The following FCHSD2 variants were observed in gnomAD, a reference collection of about 807,000 sequenced individuals.
The protein encoded by FCHSD2 is FCH and double SH3 domains 2, also known as F-BAR and double SH3 domains protein 2.
In FCHSD2, 38 loss-of-function variants were observed where a neutral mutation model predicts 108.1. That is an observed-to-expected ratio of 0.35 (90% CI 0.27 to 0.46). FCHSD2 has a LOEUF of 0.46. Among genes scored for constraint, FCHSD2 ranks in the 20% least tolerant of loss-of-function variants. The pLI is 1.00. For missense variants in FCHSD2, 751 were observed against 897.8 expected (o/e 0.84, Z 2.09); for synonymous variants, 279 against 314.7 (o/e 0.89, Z 1.20).
intron 2 of FCHSD2, among the ~76,000 whole-genome samples, chr11:73,127,494 C>T (rs1020506614): frequency 3.3e-5 from 5 of 152,182 alleles, no homozygotes; most frequent in Admixed American, 6.5e-5. Context: ...GCCAAGAACA[C>T]GAGCCAGACT....
intron 2 of FCHSD2, among the ~76,000 whole-genome samples, chr11:73,126,905 T>C (rs1860872536): frequency 6.6e-6 from 1 of 152,038 alleles, no homozygotes; most frequent in Admixed American, 6.6e-5. Flanking sequence ...GAGCATCGTG[T>C]TGCACACCTG....
intron 2 of FCHSD2, among the ~76,000 whole-genome samples, chr11:73,095,526 A>G (rs897307481): frequency 2.6e-5 from 4 of 152,204 alleles, no homozygotes; most frequent in African/African-American, 9.6e-5. Flanking sequence ...ATAACTGGAA[A>G]TATGATCTCC....
At chr11:72,903,753 GA>G (rs1294028250) in intron 9 of FCHSD2, among the ~76,000 whole-genome samples, 2 of 151,120 alleles carry the variant, frequency 1.3e-5, no homozygotes, top group Non-Finnish European at 3.0e-5. Flanking sequence ...ATGGGCAGAA[GA>G]AAAAAAAAGT....
chr11:73,098,823 AG>A (rs1439771445), intron 2 of FCHSD2, among the ~76,000 whole-genome samples: 1 of 152,218 alleles, frequency 6.6e-6, no homozygotes, highest in African/African-American at 2.4e-5. Flanking sequence ...AGGAAAACAC[AG>A]GGGCAATTCT....
chr11:73,118,662 A>G (rs934668010), intron 2 of FCHSD2, among the ~76,000 whole-genome samples: 8 of 152,164 alleles, frequency 5.3e-5, no homozygotes, highest in African/African-American at 9.7e-5. Flanking sequence ...TTATCTCTTC[A>G]TTACTGATTT....
chr11:73,057,799 G>C (rs542440304), intron 3 of FCHSD2, among the ~76,000 whole-genome samples: 216 of 152,156 alleles, frequency 1.4e-3, no homozygotes, highest in Non-Finnish European at 1.9e-3. Context: ...CAGCTATACA[G>C]GGAATGAGTT....
At chr11:73,136,051 T>G (rs1861113135) in intron 2 of FCHSD2, among the ~76,000 whole-genome samples, 1 of 151,824 alleles carries the variant, frequency 6.6e-6, no homozygotes, top group South Asian at 2.1e-4. Flanking sequence ...TCCTAGGTAC[T>G]TGGGAGGCTG....
chr11:72,955,067 T>C (rs1265866194), intron 8 of FCHSD2, among the ~76,000 whole-genome samples: 1 of 152,130 alleles, frequency 6.6e-6, no homozygotes, highest in African/African-American at 2.4e-5. Flanking sequence ...CATCCTCCAG[T>C]CCAATTCTGA....
chr11:73,095,668 ATAC>A (rs1476790179), intron 2 of FCHSD2, among the ~76,000 whole-genome samples: 1 of 152,244 alleles, frequency 6.6e-6, no homozygotes, highest in Non-Finnish European at 1.5e-5. Flanking sequence ...TTGTACAAGC[ATAC>A]TTCCTGAGGT....
At chr11:72,987,278 T>C (rs1857328894) in intron 6 of FCHSD2, among the ~76,000 whole-genome samples, 2 of 152,192 alleles carry the variant, frequency 1.3e-5, no homozygotes, top group South Asian at 4.1e-4. Context: ...CAAGATTCTA[T>C]CCAAACATCA....
At chr11:73,081,350 C>G (rs1186704297) in intron 3 of FCHSD2, among the ~76,000 whole-genome samples, 1 of 152,042 alleles carries the variant, frequency 6.6e-6, no homozygotes, top group African/African-American at 2.4e-5. Flanking sequence ...AGGAGAATTG[C>G]TTGAACTTGG....
intron 3 of FCHSD2, among the ~76,000 whole-genome samples, chr11:73,019,797 CTAT>C (rs1858057997): frequency 6.6e-6 from 1 of 152,072 alleles, no homozygotes; most frequent in African/African-American, 2.4e-5. Flanking sequence ...CTGGTTTCCT[CTAT>C]ACTTTATATT....
chr11:72,946,747 ACT>A (rs1856528422), intron 8 of FCHSD2, among the ~76,000 whole-genome samples: 1 of 152,198 alleles, frequency 6.6e-6, no homozygotes, highest in African/African-American at 2.4e-5. Context: ...TTGTGCAGTA[ACT>A]CTACTTTTTA....
chr11:72,971,104 C>T (rs765081730), intron 8 of FCHSD2, among the ~76,000 whole-genome samples: 3 of 152,126 alleles, frequency 2.0e-5, no homozygotes, highest in East Asian at 3.8e-4. Flanking sequence ...AAACTAAATG[C>T]TGTTGTTTTA....
intron 14 of FCHSD2, among the ~76,000 whole-genome samples, chr11:72,845,380 G>A (rs1307921039): frequency 6.9e-6 from 1 of 145,578 alleles, no homozygotes; most frequent in Non-Finnish European, 1.5e-5. Context: ...AGAGGTTGCA[G>A]TGAGCCGAGA....
intron 5 of FCHSD2, among the ~76,000 whole-genome samples, chr11:72,992,608 T>C (rs1267139269): frequency 6.6e-6 from 1 of 152,022 alleles, no homozygotes; most frequent in Non-Finnish European, 1.5e-5. Context: ...ATGCCACATA[T>C]CTACAACTAT....
chr11:72,978,043 G>C (rs914877202), intron 8 of FCHSD2, among the ~76,000 whole-genome samples: 1 of 152,074 alleles, frequency 6.6e-6, no homozygotes, highest in South Asian at 2.1e-4. Flanking sequence ...CCACCATTCT[G>C]AGCAAACTAC....
rs1859751188 is a variant in FCHSD2, at chr11:73,083,700, C to T, written c.160G>A (p.Ala54Thr). Residue 54 changes from alanine (A) to threonine (T), a missense_variant, in exon 3 of 20, where the codon GCA (alanine) becomes ACA (threonine). Physicochemically the swap from Ala to Thr is moderately conservative, Grantham distance 58. Transcript: ENST00000409418. ...ACCTCCAATTTCAAGCTTACCTGTG[C>T]ATACTCTCTTTCAATAGCAGCCTTC... ...QKKAAIEREY[A>T]QGMQKLASQY... 6.5e-7 allele frequency: 1 copy of T among 1,544,632 alleles called. No homozygotes were observed. Among genetic ancestry groups the T allele is most frequent in the African/African-American group, 1.4e-5 (1 of 73,086 alleles).
intron 2 of FCHSD2, among the ~76,000 whole-genome samples, chr11:73,129,009 C>A (rs991396923): frequency 6.6e-6 from 1 of 152,006 alleles, no homozygotes; most frequent in Non-Finnish European, 1.5e-5. Context: ...GTAGCTGGGA[C>A]TACAGGCATG....
Sources: allele counts gnomAD v4.1 joint callset (sites outside exome capture counted in the v4.1 genomes callset), GRCh38; gene constraint gnomAD v4.1.1; transcripts MANE v1.5; gene names NCBI Gene and HGNC (gene_info 2026-07-23, HGNC 2026-07-21).